The following CD300A variants were observed in gnomAD, a reference collection of about 807,000 sequenced individuals.
CD300A encodes CMRF35-like molecule 8.
In CD300A, 22 loss-of-function variants were observed where a neutral mutation model predicts 33.6. That is an observed-to-expected ratio of 0.66 (90% confidence interval 0.47 to 0.94). The LOEUF (loss-of-function observed/expected upper bound fraction) is 0.94, where lower values mean the gene tolerates loss of function less well. CD300A is among the 40% of genes least tolerant of loss of function. CD300A has a pLI of 0.00. For missense variants in CD300A, 326 were observed against 360.5 expected, an observed-to-expected ratio of 0.90 and a Z score of 0.77; for synonymous variants, 136 against 148.1, an observed-to-expected ratio of 0.92 and a Z score of 0.59.
intron 6 of CD300A, among the ~76,000 whole-genome samples, chr17:74,483,480 C>G (rs1197337605): frequency 6.6e-6 from 1 of 151,946 alleles, no homozygotes; most frequent in Admixed American, 6.6e-5. Flanking sequence ...CCTCAGCCTC[C>G]CAAGTAGCTG....
intron 1 of CD300A, among the ~76,000 whole-genome samples, chr17:74,467,198 C>A (rs1598444129): frequency 1.7e-5 from 1 of 57,182 alleles, no homozygotes; most frequent in Non-Finnish European, 3.2e-5. Context: ...GCCGGCCTCA[C>A]TAGGTGCAGG....
intron 6 of CD300A, among the ~76,000 whole-genome samples, chr17:74,482,732 T>TCCTTTCCTTCCTTCC (rs1555639394): frequency 7.5e-6 from 1 of 132,946 alleles, no homozygotes; most frequent in African/African-American, 3.8e-5. Flanking sequence ...CTTTCTTTCT[T>TCCTTTCCTTCCTTCC]TGGAATCTCG....
In CD300A at chr17:74,480,056, C is replaced by G. The variant is rs1215324743; in HGVS notation, c.629-1233C>G. Among the ~76,000 whole-genome samples the G allele has an allele frequency of 6.6e-6, 1 of 152,148 alleles. No homozygotes were observed. The highest frequency in any genetic ancestry group is 1.5e-5 in the Non-Finnish European group (1 of 68,032). On this transcript the variant is annotated intron_variant, in intron 4 of 6. Coordinates refer to ENST00000360141, the MANE Select transcript of CD300A (RefSeq NM_007261.4). This position sits in a 1 kb window ranked among gnomAD's most constrained non-coding sequence, Gnocchi z 4.2. ...CCGGGCGTTGAACTCCTGTCTCTTC[C>G]CCACCAGCTCTTTTTCTCCTTCCCA...
intron 1 of CD300A, among the ~76,000 whole-genome samples, chr17:74,473,282 C>T (rs1209417936): frequency 2.6e-5 from 4 of 152,008 alleles, no homozygotes; most frequent in African/African-American, 7.2e-5. Context: ...GATGTGGAGT[C>T]GGGGAATCTT....
At chr17:74,468,531 C>T (rs781634368) in intron 1 of CD300A, among the ~76,000 whole-genome samples, 1 of 151,744 alleles carries the variant, frequency 6.6e-6, no homozygotes, top group Non-Finnish European at 1.5e-5. Context: ...CAGGGTCTTA[C>T]CATGTTGCCC....
chr17:74,483,209 A>C (rs1389325989), intron 6 of CD300A, among the ~76,000 whole-genome samples: 1 of 152,106 alleles, frequency 6.6e-6, no homozygotes, highest in Non-Finnish European at 1.5e-5. Flanking sequence ...ACTCATGCCC[A>C]CAGTACAGCA....
At chr17:74,470,150 A>AT (rs1190197452) in intron 1 of CD300A, 2 of 985,290 alleles carry the variant, frequency 2.0e-6, no homozygotes, top group African/African-American at 3.5e-5. Context: ...CCTGTTTATG[A>AT]TTAGAGGGGT....
chr17:74,481,666 C>T (rs955023118), intron 5 of CD300A, 60 bp from the exon 6 acceptor site: 16 of 1,227,144 alleles, frequency 1.3e-5, no homozygotes, highest in East Asian at 4.9e-5. Flanking sequence ...CATGCAGAGA[C>T]GCAGGGACAG....
At position 74,482,152 on chromosome 17, in the gene CD300A, C is replaced by T. The variant is rs979353366; in HGVS notation, c.774+319C>T. Among the ~76,000 whole-genome samples, 4 of 151,190 alleles carry T rather than the reference C, an allele frequency of 2.6e-5. No homozygotes were observed. In the Admixed American group the frequency reaches 2.7e-4, roughly 10 times the overall value. On this transcript the variant is annotated intron_variant, in intron 6 of 6. Coordinates refer to ENST00000360141, the MANE Select transcript of CD300A (RefSeq NM_007261.4). Reference sequence around the variant, plus strand: ...ACCTGTGACTTCTCACTGTTTTGGTCTCATCATCTCTTTGACATCAATTCT... The same window carrying T: ...ACCTGTGACTTCTCACTGTTTTGGTTTCATCATCTCTTTGACATCAATTCT...
chr17:74,466,798 C>T (rs976991023), intron 1 of CD300A, 55 bp downstream of exon 1: 15 of 1,555,754 alleles, frequency 9.6e-6, no homozygotes, highest in East Asian at 9.6e-5. Context: ...GTGCGAGGGG[C>T]AGGGCCGCAG....
At position 74,477,405 on chromosome 17, in the gene CD300A, C is replaced by T. The variant is rs374549727; in HGVS notation, c.534-31C>T. On this transcript the variant is annotated intron_variant, in intron 3 of 6. Coordinates refer to ENST00000360141, the MANE Select transcript of CD300A (RefSeq NM_007261.4). ...AAGTAAGTTGGAGAAGGCAAGTTGG[C>T]CCCGCCCTTACCATCCTGTGCCTCC... 11 of 1,508,038 alleles carry T rather than the reference C, an allele frequency of 7.3e-6. No homozygotes were observed. The African/African-American group carries it at 1.2e-4, about 17-fold the overall frequency. The allele number at this position is 1,508,038 out of a possible 1,614,324, so 93.4% of individuals were successfully genotyped here.
intron 1 of CD300A, among the ~76,000 whole-genome samples, chr17:74,471,457 C>T (rs2144507789): frequency 6.6e-6 from 1 of 152,218 alleles, no homozygotes; most frequent in South Asian, 2.1e-4. Context: ...CATTTTATAC[C>T]TGTGATCTCA....
Position 74,466,923 on chromosome 17 carries a change from A to G in CD300A, c.40+180A>G, listed in dbSNP as rs549497169. The G allele has an allele frequency of 2.6e-5, 38 of 1,455,788 alleles. No homozygotes were observed. The Admixed American group carries it at 6.6e-4, about 25-fold the overall frequency. The allele number at this position is 1,455,788 out of a possible 1,614,324, so 90.2% of individuals were successfully genotyped here. A position where few individuals can be genotyped will look rare whatever the true frequency, so the allele number is the denominator to read the frequency against. ...GAAGGTCCACACCCCTGGGAGAGGA[A>G]GGAGCCAGGGCCTCTCCCGGCTCTG... On this transcript the variant is annotated intron_variant, in intron 1 of 6. Transcript: ENST00000360141.
chr17:74,477,692 G>A (rs113221432), intron 4 of CD300A, among the ~76,000 whole-genome samples, 162 bp downstream of exon 4: 1 of 152,156 alleles, frequency 6.6e-6, no homozygotes, highest in African/African-American at 2.4e-5. Flanking sequence ...CCCATGGGAG[G>A]CATCCTTGTG....
intron 6 of CD300A, among the ~76,000 whole-genome samples, chr17:74,483,450 C>T (rs1402945155): frequency 6.6e-5 from 10 of 151,464 alleles, no homozygotes; most frequent in Middle Eastern, 3.2e-3. Flanking sequence ...TCCGCCTCCC[C>T]GGTTCAAGCG....
In CD300A at chr17:74,481,828, A is replaced by C. The variant is rs1287670858; in HGVS notation, c.769A>C (p.Thr257Pro). 1.2e-6 allele frequency: 2 copies of C among 1,609,318 alleles called. No homozygotes were observed. Among genetic ancestry groups the C allele is most frequent in the East Asian group, 4.5e-5 (2 of 44,732 alleles). ...PPREVEVEYSTVASPREELHY... is the reference protein window; with the variant it reads ...PPREVEVEYSPVASPREELHY... ...AAGGGAGGTGGAGGTGGAATACAGC[A>C]CTGTGGTAAGTGCAGGAGCCCGGCT... The change falls in exon 6 of 7, where the codon ACT (threonine) becomes CCT (proline). Residue 257 changes from threonine (T) to proline (P), a missense_variant. Physicochemically the swap from Thr to Pro is conservative, Grantham distance 38. Coordinates refer to ENST00000360141, the MANE Select transcript of CD300A (RefSeq NM_007261.4).
At chr17:74,476,440 T>C (rs528575469) in intron 3 of CD300A, among the ~76,000 whole-genome samples, 1 of 152,298 alleles carries the variant, frequency 6.6e-6, no homozygotes, top group Admixed American at 6.5e-5. Flanking sequence ...CTTCCAGAAG[T>C]TTAGCCTGTA....
rs1010986354 is a variant in CD300A, at chr17:74,466,942, G to T, written c.40+199G>T. The T allele has an allele frequency of 7.0e-6, 10 of 1,435,112 alleles. No homozygotes were observed. In the Admixed American group the frequency reaches 2.6e-4, roughly 38 times the overall value. The allele number at this position is 1,435,112 out of a possible 1,614,324, so 88.9% of individuals were successfully genotyped here. ...AGAGGAAGGAGCCAGGGCCTCTCCC[G>T]GCTCTGCACCCACGTACCTTGGCTG... On this transcript the variant is annotated intron_variant, in intron 1 of 6. Transcript: ENST00000360141.
At position 74,481,943 on chromosome 17, in the gene CD300A, C is replaced by T; in HGVS notation, c.774+110C>T. ...AGGGGTCGGCTTGGTGATCTTGTGC[C>T]TGTCAGGGACAGGGCCACATGGAGA... On this transcript the variant is annotated intron_variant, in intron 6 of 6. Coordinates refer to ENST00000360141, the MANE Select transcript of CD300A (RefSeq NM_007261.4). 4.0e-6 allele frequency: 3 copies of T among 748,114 alleles called. 1 individual carries two copies. The South Asian group carries it at 4.9e-5, about 12-fold the overall frequency. The allele number at this position is 748,114 out of a possible 1,614,324, so 46.3% of individuals were successfully genotyped here.
Sources: allele counts gnomAD v4.1 joint callset (sites outside exome capture counted in the v4.1 genomes callset), GRCh38; gene constraint gnomAD v4.1.1; non-coding constraint Gnocchi (gnomAD v3.1); transcripts MANE v1.5; gene names NCBI Gene and HGNC (gene_info 2026-07-23, HGNC 2026-07-21).